The following MACROD2 variants were observed in gnomAD, a reference collection of about 807,000 sequenced individuals.
MACROD2 encodes the protein ADP-ribose glycohydrolase MACROD2.
MACROD2 carries 36 observed loss-of-function variants against 70.4 expected under a neutral mutation model. The observed-to-expected ratio is 0.51, with a 90% confidence interval of 0.39 to 0.68. The LOEUF (loss-of-function observed/expected upper bound fraction) is 0.68. Among genes scored for constraint, MACROD2 ranks in the 30% least tolerant of loss-of-function variants. MACROD2 has a pLI of 0.00. For synonymous variants in MACROD2, 172 were observed against 178.8 expected (o/e 0.96, Z 0.30); for missense variants, 496 against 538.4 (o/e 0.92, Z 0.78).
At chr20:15,741,160 C>T (rs988196404) in intron 8 of MACROD2, among the ~76,000 whole-genome samples, 2 of 146,882 alleles carry the variant, frequency 1.4e-5, no homozygotes, top group African/African-American at 2.5e-5. Flanking sequence ...GGCGCAATCT[C>T]GGCTCACTGC....
At chr20:14,037,062 C>G (rs919766002) in intron 2 of MACROD2, among the ~76,000 whole-genome samples, 1 of 152,106 alleles carries the variant, frequency 6.6e-6, no homozygotes, top group Non-Finnish European at 1.5e-5. Flanking sequence ...AATAATGAAG[C>G]GTGTCAGATG....
chr20:14,087,526 C>T (rs971746190), intron 3 of MACROD2, among the ~76,000 whole-genome samples: 2 of 87,370 alleles, frequency 2.3e-5, no homozygotes, highest in Non-Finnish European at 4.8e-5. Flanking sequence ...GCTTCTGCTG[C>T]CTGTCTAAAA....
At chr20:15,897,049 C>A (rs1044860451) in intron 10 of MACROD2, among the ~76,000 whole-genome samples, 1 of 152,090 alleles carries the variant, frequency 6.6e-6, no homozygotes, top group Non-Finnish European at 1.5e-5. Context: ...GAAAACTTAG[C>A]ACCTTTAATA....
In MACROD2 at chr20:15,197,322, T is replaced by A. The variant is rs199311; in HGVS notation, c.419-32618T>A. The stretch of plus-strand genomic sequence containing the variant: ...TAGTAAATATTGCTAATAATTAAAA[T>A]AGTATATATATATATGTGTTTTCAT... On this transcript the variant is annotated intron_variant, in intron 5 of 17. Transcript: ENST00000684519. Among the ~76,000 whole-genome samples the A allele has an allele frequency of 0.2, 30,445 of 151,950 alleles. 3,452 individuals are homozygous for A. Among genetic ancestry groups the A allele is most frequent in the African/African-American group, 0.31 (12,850 of 41,484 alleles).
At position 14,322,190 on chromosome 20, in the gene MACROD2, A is replaced by ATATATATATATATATG. The variant is rs1419896739; in HGVS notation, c.272-171278_272-171277insATATGTATATATATAT. Among the ~76,000 whole-genome samples, 90 of 130,098 alleles carry ATATATATATATATATG rather than the reference A, an allele frequency of 6.9e-4. 1 individual carries two copies. Among genetic ancestry groups the ATATATATATATATATG allele is most frequent in the African/African-American group, 2.0e-3 (75 of 36,662 alleles). 85.3% of individuals were successfully genotyped at this position (130,098 alleles called of 152,430 possible). On this transcript the variant is annotated intron_variant, in intron 3 of 17. Transcript: ENST00000684519. ...ATTCTATTGAAATATATATATATAT[A>ATATATATATATATATG]TATATATATATTTTGTATTTTGCAA...
intron 8 of MACROD2, among the ~76,000 whole-genome samples, chr20:15,743,421 G>T (rs1262480519): frequency 1.3e-5 from 2 of 151,928 alleles, no homozygotes; most frequent in African/African-American, 4.8e-5. Context: ...CGCAGCCTAG[G>T]AAAAAAGGGT....
chr20:15,780,510 AG>A (rs1181666139), intron 8 of MACROD2, among the ~76,000 whole-genome samples: 1 of 152,158 alleles, frequency 6.6e-6, no homozygotes, highest in East Asian at 1.9e-4. Flanking sequence ...AAGGAAGAAG[AG>A]GGCAATGACA....
chr20:15,718,741 C>A (rs34742783), intron 8 of MACROD2, among the ~76,000 whole-genome samples: 1 of 152,100 alleles, frequency 6.6e-6, no homozygotes, highest in African/African-American at 2.4e-5. Context: ...CCATGACTTA[C>A]GGGGGAAGTT....
chr20:14,332,904 T>G (rs2082870674), intron 3 of MACROD2, among the ~76,000 whole-genome samples: 1 of 152,112 alleles, frequency 6.6e-6, no homozygotes, highest in African/African-American at 2.4e-5. Context: ...GCTAAGCCTT[T>G]GCAACAACAA....
At chr20:14,688,273 G>A (rs768738994) in intron 5 of MACROD2, among the ~76,000 whole-genome samples, 48 of 152,120 alleles carry the variant, frequency 3.2e-4, no homozygotes, top group Non-Finnish European at 5.6e-4. Flanking sequence ...CAATTTGTTT[G>A]GAAAATGCTA....
intron 3 of MACROD2, among the ~76,000 whole-genome samples, chr20:14,390,795 A>G (rs1327400193): frequency 6.6e-6 from 1 of 152,220 alleles, no homozygotes; most frequent in African/African-American, 2.4e-5. Context: ...AGACAACCCC[A>G]TTAACACATG....
At chr20:15,234,418 A>G (rs1195030153) in intron 6 of MACROD2, among the ~76,000 whole-genome samples, 1 of 152,060 alleles carries the variant, frequency 6.6e-6, no homozygotes, top group Non-Finnish European at 1.5e-5. Flanking sequence ...AATTAGCAGT[A>G]CAAACTGGAA....
In MACROD2 at chr20:16,050,949, G is replaced by T. The variant is rs996312413; in HGVS notation, c.*1073G>T. 2.6e-5 allele frequency: 4 copies of T among 152,270 alleles called. No individual in the cohort carries two copies. The highest frequency in any genetic ancestry group is 7.2e-5 in the African/African-American group (3 of 41,462). The allele number at this position is 152,270 out of a possible 1,614,324, so 9.4% of individuals were successfully genotyped here. A position where few individuals can be genotyped will look rare whatever the true frequency, so the allele number is the denominator to read the frequency against. Reference sequence around the variant, plus strand: ...ATGCCAAGTTCAAGGCTGATTCAATGGTTGGTCCCCTCACCCAGAAAACCC... The same window carrying T: ...ATGCCAAGTTCAAGGCTGATTCAATTGTTGGTCCCCTCACCCAGAAAACCC... On this transcript the variant is annotated 3_prime_UTR_variant, in exon 18 of 18. Coordinates refer to ENST00000684519, the MANE Select transcript of MACROD2 (RefSeq NM_001351661.2).
In MACROD2 at chr20:14,732,616, G is replaced by C. The variant is rs780427171; in HGVS notation, c.418+47657G>C. Reference sequence around the variant, plus strand: ...TAAAGTGGCATTATAAAGGAAAGTCGATGTTTTAGCCCGTATCTCAGGAGG... The same window carrying C: ...TAAAGTGGCATTATAAAGGAAAGTCCATGTTTTAGCCCGTATCTCAGGAGG... On this transcript the variant is annotated intron_variant, in intron 5 of 17. Coordinates refer to ENST00000684519, the MANE Select transcript of MACROD2 (RefSeq NM_001351661.2). 3.3e-5 allele frequency among the ~76,000 whole-genome samples: 5 copies of C among 152,114 alleles called. No individual in the cohort carries two copies. In the East Asian group the frequency reaches 9.6e-4, roughly 29 times the overall value.
chr20:15,611,879 C>T (rs538694033), intron 8 of MACROD2, among the ~76,000 whole-genome samples: 189 of 144,356 alleles, frequency 1.3e-3, no homozygotes, highest in Non-Finnish European at 2.3e-3. Context: ...GATTGGGCAT[C>T]CTAGATCAAC....
chr20:15,016,233 A>T (rs2075120104), intron 5 of MACROD2, among the ~76,000 whole-genome samples: 1 of 152,214 alleles, frequency 6.6e-6, no homozygotes, highest in African/African-American at 2.4e-5. Context: ...TCATGAAAAG[A>T]AATGATGAAA....
chr20:14,809,241 A>G (rs1489346273), intron 5 of MACROD2, among the ~76,000 whole-genome samples: 1 of 152,144 alleles, frequency 6.6e-6, no homozygotes, highest in African/African-American at 2.4e-5. Context: ...AGTTTCTCAG[A>G]CCACAGTGCA....
At chr20:14,288,369 T>C (rs2082360851) in intron 3 of MACROD2, among the ~76,000 whole-genome samples, 1 of 152,116 alleles carries the variant, frequency 6.6e-6, no homozygotes, top group Admixed American at 6.5e-5. Flanking sequence ...ACTCTATCAG[T>C]TTTTTGAAGA....
intron 5 of MACROD2, among the ~76,000 whole-genome samples, chr20:14,921,165 T>A (rs1447076929): frequency 1.3e-5 from 2 of 152,172 alleles, no homozygotes; most frequent in Non-Finnish European, 2.9e-5. Flanking sequence ...TATTGGGTGT[T>A]TGGGGAGCAT....
Sources: allele counts gnomAD v4.1 joint callset (sites outside exome capture counted in the v4.1 genomes callset), GRCh38; gene constraint gnomAD v4.1.1; transcripts MANE v1.5; gene names NCBI Gene and HGNC (gene_info 2026-07-23, HGNC 2026-07-21).